The following HDAC4 variants were observed in gnomAD, a reference collection of about 807,000 sequenced individuals.
The protein encoded by HDAC4 is histone deacetylase 4, also known as histone deacetylase A.
Under a neutral mutation model 135.1 loss-of-function variants are expected in HDAC4, and 16 were observed. The observed-to-expected ratio is 0.12, with a 90% CI of 0.08 to 0.18. HDAC4 has a LOEUF of 0.18. Among genes scored for constraint, HDAC4 ranks in the 10% least tolerant of loss-of-function variants. HDAC4 has a pLI of 1.00. For synonymous variants in HDAC4, 685 were observed against 653.4 expected (o/e 1.05, Z -0.74); for missense variants, 1,143 against 1,511.8 (o/e 0.76, Z 4.05).
At chr2:239,054,688 G>T in intron 25 of HDAC4, 61 bp downstream of exon 25, 1 of 1,026,666 alleles carries the variant, frequency 9.7e-7, no homozygotes, top group Non-Finnish European at 1.6e-6. Flanking sequence ...CAGGGATGGG[G>T]TGTGGTGCAG....
chr2:239,116,804 C>T (rs1218547139), intron 12 of HDAC4, among the ~76,000 whole-genome samples: 3 of 152,206 alleles, frequency 2.0e-5, no homozygotes, highest in Admixed American at 2.0e-4. Context: ...ACACTCGCCT[C>T]CAGCCCGCTG....
Position 239,153,876 on chromosome 2 carries a change from C to T in HDAC4, c.733+2776G>A, listed in dbSNP as rs1215418344. ...GAATCTACGAGAGATGGCGCGGGCC[C>T]TGCCTATGGGAGAAAGGCCTCTGAT... is the stretch of plus-strand genomic sequence containing the variant. On this transcript the variant is annotated intron_variant, in intron 7 of 26. Transcript: ENST00000543185. 2.0e-5 allele frequency among the ~76,000 whole-genome samples: 3 copies of T among 152,220 alleles called. No homozygotes were observed. The East Asian group carries it at 5.8e-4, about 29-fold the overall frequency.
chr2:239,220,947 G>A (rs4852034), intron 3 of HDAC4, among the ~76,000 whole-genome samples: 1,854 of 152,202 alleles, frequency 0.012, 101 homozygotes, highest in Admixed American at 0.091. Flanking sequence ...GCCAGGGACC[G>A]ACCTTGGTAC....
At chr2:239,359,218 T>C (rs1057119683) in intron 1 of HDAC4, among the ~76,000 whole-genome samples, 1 of 152,198 alleles carries the variant, frequency 6.6e-6, no homozygotes. Context: ...GCATCTAGCT[T>C]CAACGCCAGC....
At chr2:239,060,979 A>G (rs1435275883) in intron 24 of HDAC4, among the ~76,000 whole-genome samples, 1 of 152,238 alleles carries the variant, frequency 6.6e-6, no homozygotes, top group African/African-American at 2.4e-5. Context: ...GAAGGCCACG[A>G]GGCTGGGCTC....
chr2:239,053,380 G>T (rs931161985), intron 26 of HDAC4, 80 bp downstream of exon 26: 1 of 1,550,130 alleles, frequency 6.5e-7, no homozygotes, highest in Non-Finnish European at 8.8e-7. Flanking sequence ...GTGCCATAAA[G>T]GTTCTGACCC....
At chr2:239,076,032 T>C (rs562861800) in intron 22 of HDAC4, among the ~76,000 whole-genome samples, 3 of 150,970 alleles carry the variant, frequency 2.0e-5, no homozygotes, top group African/African-American at 7.3e-5. Context: ...CGAACTCTCC[T>C]TGGCTTCCTG....
chr2:239,385,379 G>A (rs951164494), intron 1 of HDAC4, among the ~76,000 whole-genome samples: 12 of 152,346 alleles, frequency 7.9e-5, no homozygotes, highest in African/African-American at 2.6e-4. Flanking sequence ...GGTCACCTCC[G>A]AGGACTGAAG....
intron 3 of HDAC4, among the ~76,000 whole-genome samples, chr2:239,194,525 C>G (rs1375759172): frequency 6.6e-6 from 1 of 152,218 alleles, no homozygotes; most frequent in Non-Finnish European, 1.5e-5. Flanking sequence ...TGAACGGTCA[C>G]AGCTCGACCC....
At chr2:239,290,377 G>T (rs2051392408) in intron 2 of HDAC4, among the ~76,000 whole-genome samples, 1 of 152,174 alleles carries the variant, frequency 6.6e-6, no homozygotes, top group African/African-American at 2.4e-5. Flanking sequence ...AGCACCAATG[G>T]CGTGAGGATG....
intron 2 of HDAC4, among the ~76,000 whole-genome samples, chr2:239,289,187 G>C (rs1034346269): frequency 3.9e-5 from 6 of 152,170 alleles, no homozygotes; most frequent in Admixed American, 3.3e-4. Flanking sequence ...AAATGAAACT[G>C]ATCCCCACCC....
At chr2:239,189,716 C>T (rs2044785184) in intron 4 of HDAC4, 117 bp downstream of exon 4, 2 of 967,012 alleles carry the variant, frequency 2.1e-6, no homozygotes, top group Non-Finnish European at 3.2e-6. Context: ...AGGCCTCCTG[C>T]AGGAACCCTG....
intron 2 of HDAC4, among the ~76,000 whole-genome samples, chr2:239,315,129 A>C (rs544780030): frequency 8.9e-4 from 136 of 152,284 alleles, no homozygotes; most frequent in African/African-American, 3.1e-3. Flanking sequence ...GCCAATCAGA[A>C]CATTTTAAAA....
At chr2:239,264,734 G>T (rs180814662) in intron 2 of HDAC4, among the ~76,000 whole-genome samples, 27 of 152,300 alleles carry the variant, frequency 1.8e-4, no homozygotes, top group Non-Finnish European at 3.1e-4. Flanking sequence ...GCATTTCTTG[G>T]GGGGAGGCTC....
intron 1 of HDAC4, among the ~76,000 whole-genome samples, chr2:239,376,504 G>C (rs547456767): frequency 6.6e-6 from 1 of 152,208 alleles, no homozygotes; most frequent in South Asian, 2.1e-4. Context: ...TCAGAGGTGG[G>C]ACACAGACTC....
chr2:239,164,240 A>G (rs973639340), intron 5 of HDAC4, among the ~76,000 whole-genome samples: 1 of 152,258 alleles, frequency 6.6e-6, no homozygotes, highest in African/African-American at 2.4e-5. Flanking sequence ...AACACTCTGA[A>G]TTAGGCAGTG....
intron 2 of HDAC4, among the ~76,000 whole-genome samples, chr2:239,310,322 G>C (rs1250510374): frequency 6.6e-6 from 1 of 152,254 alleles, no homozygotes; most frequent in Non-Finnish European, 1.5e-5. Flanking sequence ...GCCTGGTCCA[G>C]AGCTCCACAG....
chr2:239,350,824 A>G (rs1693097902), intron 2 of HDAC4, among the ~76,000 whole-genome samples: 1 of 152,190 alleles, frequency 6.6e-6, no homozygotes, highest in South Asian at 2.1e-4. Context: ...TACAATATTG[A>G]TACATACATA....
At chr2:239,276,637 C>T (rs1417315079) in intron 2 of HDAC4, among the ~76,000 whole-genome samples, 1 of 152,114 alleles carries the variant, frequency 6.6e-6, no homozygotes, top group Non-Finnish European at 1.5e-5. Context: ...TGCCTGCTGC[C>T]TGGACACTGC....
Sources: gnomAD v4.1 joint callset for allele counts (sites outside exome capture counted in the v4.1 genomes callset) on GRCh38, gnomAD v4.1.1 for gene constraint, MANE v1.5 for transcripts, NCBI Gene and HGNC (gene_info 2026-07-23, HGNC 2026-07-21) for gene names.